Variants in PPP6R2 observed in about 807,000 individuals in gnomAD.
PPP6R2 encodes protein phosphatase 6 regulatory subunit 2, also known as serine/threonine-protein phosphatase 6 regulatory subunit 2.
PPP6R2 carries 62 observed loss-of-function variants against 100.2 expected under a neutral mutation model. The observed-to-expected ratio is 0.62, with a 90% CI of 0.50 to 0.76. The LOEUF (loss-of-function observed/expected upper bound fraction) is 0.76, where lower values mean the gene tolerates loss of function less well. Ranked by LOEUF, PPP6R2 falls within the 30% of genes least tolerant of loss-of-function variation. The pLI is 0.00. For synonymous variants in PPP6R2, 525 were observed against 514.7 expected (o/e 1.02, Z -0.27); for missense variants, 1,142 against 1,276.3 (o/e 0.89, Z 1.60).
chr22:50,434,677 C>G (rs191287730), intron 12 of PPP6R2, among the ~76,000 whole-genome samples: 1 of 83,308 alleles, frequency 1.2e-5, no homozygotes, highest in Non-Finnish European at 2.3e-5. Flanking sequence ...GGGCACTTGC[C>G]CTGGAGGTGA....
chr22:50,382,460 T>C (rs1327315253), intron 2 of PPP6R2, among the ~76,000 whole-genome samples: 7 of 148,722 alleles, frequency 4.7e-5, no homozygotes, highest in Non-Finnish European at 1.0e-4. Context: ...AAGCCAGGCA[T>C]GGTGGCTCAC....
chr22:50,358,891 C>G (rs2047149384), intron 1 of PPP6R2, among the ~76,000 whole-genome samples: 1 of 146,564 alleles, frequency 6.8e-6, no homozygotes, highest in African/African-American at 2.5e-5. Context: ...TCTGTTTTTT[C>G]TGTTCCATTG....
At chr22:50,422,070 T>G (rs2061413309) in intron 8 of PPP6R2, among the ~76,000 whole-genome samples, 184 bp from the exon 9 acceptor site, 1 of 152,068 alleles carries the variant, frequency 6.6e-6, no homozygotes, top group Non-Finnish European at 1.5e-5. Context: ...TTTAGTACCT[T>G]TCTCTTCTGC....
intron 10 of PPP6R2, among the ~76,000 whole-genome samples, chr22:50,428,831 C>G (rs1248796638): frequency 6.6e-6 from 1 of 151,954 alleles, no homozygotes; most frequent in African/African-American, 2.4e-5. Context: ...TGCCTAATTG[C>G]TCTGGCTGGG....
chr22:50,355,100 C>T (rs1602157984), intron 1 of PPP6R2, among the ~76,000 whole-genome samples: 1 of 152,146 alleles, frequency 6.6e-6, no homozygotes, highest in African/African-American at 2.4e-5. Context: ...ACCTCAGCCT[C>T]CCAAAGTACT....
intron 2 of PPP6R2, among the ~76,000 whole-genome samples, chr22:50,381,050 G>T (rs898531249): frequency 2.0e-5 from 3 of 146,498 alleles, no homozygotes; most frequent in African/African-American, 7.6e-5. Flanking sequence ...GGAGGTGGAT[G>T]TTGCAGTGAG....
upstream of PPP6R2, among the ~76,000 whole-genome samples, chr22:50,338,649 A>G (rs1308825096): frequency 6.4e-5 from 6 of 93,910 alleles, no homozygotes; most frequent in African/African-American, 1.8e-4. Context: ...TGTCTGTGGT[A>G]TGTAGTGTGT....
intron 1 of PPP6R2, among the ~76,000 whole-genome samples, chr22:50,350,529 G>T (rs1039184523): frequency 3.3e-5 from 5 of 151,494 alleles, no homozygotes; most frequent in Non-Finnish European, 5.9e-5. Context: ...ACTGCGACCG[G>T]CCTGAAATGT....
At chr22:50,392,606 T>C (rs1433425997) in intron 2 of PPP6R2, among the ~76,000 whole-genome samples, 2 of 152,154 alleles carry the variant, frequency 1.3e-5, no homozygotes, top group East Asian at 3.8e-4. Context: ...GCCATCTGCA[T>C]GGGAAGAAAA....
At chr22:50,442,159 T>C (rs1383871135) in intron 22 of PPP6R2, among the ~76,000 whole-genome samples, 1 of 152,216 alleles carries the variant, frequency 6.6e-6, no homozygotes, top group Non-Finnish European at 1.5e-5. Flanking sequence ...TCAGCCTGCA[T>C]GCGTCCCACC....
At chr22:50,387,594 T>C (rs749407580) in intron 2 of PPP6R2, among the ~76,000 whole-genome samples, 1 of 152,176 alleles carries the variant, frequency 6.6e-6, no homozygotes, top group African/African-American at 2.4e-5. Flanking sequence ...CAGTGGTATG[T>C]TGGTAAATGT....
chr22:50,419,381 T>C lies in PPP6R2; in HGVS notation c.764T>C (p.Met255Thr), dbSNP rs1363788702. 1.2e-6 allele frequency: 2 copies of C among 1,614,130 alleles called. No individual in the cohort carries two copies. The highest frequency in any genetic ancestry group is 1.7e-6 in the Non-Finnish European group (2 of 1,180,024). ...QDCVEQLLKNMFDGDRTESCL... is the reference protein window; with the variant it reads ...QDCVEQLLKNTFDGDRTESCL... ...TGTGTGGAGCAGCTTCTGAAGAACATGTTTGATGGAGACCGGACGGAGAGC... is the reference window on the plus strand; with the variant it reads ...TGTGTGGAGCAGCTTCTGAAGAACACGTTTGATGGAGACCGGACGGAGAGC... Residue 255 changes from methionine to threonine, a missense_variant, in exon 8 of 24, where the codon ATG (methionine) becomes ACG (threonine). Transcript: ENST00000612753.
chr22:50,426,251 AG>A (rs1420333797), intron 10 of PPP6R2, among the ~76,000 whole-genome samples: 1 of 152,198 alleles, frequency 6.6e-6, no homozygotes, highest in Non-Finnish European at 1.5e-5. Flanking sequence ...CCAGCCACCC[AG>A]CCTTTACTCC....
At chr22:50,348,362 G>GTGGGTTTA (rs2044232957) in intron 1 of PPP6R2, among the ~76,000 whole-genome samples, 1 of 152,134 alleles carries the variant, frequency 6.6e-6, no homozygotes. Flanking sequence ...GAACTTGGTG[G>GTGGGTTTA]TGGGTTTAGG....
intron 2 of PPP6R2, among the ~76,000 whole-genome samples, chr22:50,382,471 G>A (rs1016435984): frequency 7.3e-5 from 11 of 150,510 alleles, no homozygotes; most frequent in South Asian, 4.2e-4. Flanking sequence ...GGTGGCTCAC[G>A]CCTGTAATCC....
intron 2 of PPP6R2, among the ~76,000 whole-genome samples, chr22:50,387,025 C>T (rs974413417): frequency 6.6e-6 from 1 of 152,148 alleles, no homozygotes; most frequent in Non-Finnish European, 1.5e-5. Context: ...TGGGAAGAAG[C>T]AGCCTTTGCG....
chr22:50,387,048 G>T (rs919965568), intron 2 of PPP6R2, among the ~76,000 whole-genome samples: 4 of 152,104 alleles, frequency 2.6e-5, no homozygotes, highest in Admixed American at 2.0e-4. Flanking sequence ...CTTTATGTAT[G>T]TATTAAATTA....
chr22:50,406,864 A>G lies in PPP6R2; in HGVS notation c.403A>G (p.Lys135Glu). ...GACCATTGGCAATCTCATTGCAAGA[A>G]AAACCGAACAGGTAAATCACGTGCA... ...SKTIGNLIAR[K>E]TEQVITFLKK... Residue 135 changes from lysine (K) to glutamate (E), a missense_variant, in exon 4 of 24, where the codon AAA becomes GAA. Transcript: ENST00000612753. 1 of 1,613,844 alleles carries G rather than the reference A, an allele frequency of 6.2e-7. No individual in the cohort carries two copies. Among genetic ancestry groups the G allele is most frequent in the Non-Finnish European group, 8.5e-7 (1 of 1,179,736 alleles).
chr22:50,398,370 AC>A (rs934617094), intron 3 of PPP6R2, among the ~76,000 whole-genome samples: 1 of 150,778 alleles, frequency 6.6e-6, no homozygotes, highest in African/African-American at 2.4e-5. Context: ...ACAGGGTTTC[AC>A]CATGTTGGCC....
Sources: allele counts gnomAD v4.1 joint callset (sites outside exome capture counted in the v4.1 genomes callset), GRCh38; gene constraint gnomAD v4.1.1; transcripts MANE v1.5; gene names NCBI Gene and HGNC (gene_info 2026-07-23, HGNC 2026-07-21).